NACC2: variants seen among roughly 807,000 people sequenced by gnomAD.
NACC2 encodes the protein nucleus accumbens-associated protein 2.
Under a neutral mutation model 25.1 loss-of-function variants are expected in NACC2, and 8 were observed. The ratio of observed to expected loss-of-function variants is 0.32; its 90% CI spans 0.19 to 0.57. The LOEUF (loss-of-function observed/expected upper bound fraction) is 0.57, where lower values mean the gene tolerates loss of function less well. Ranked by LOEUF, NACC2 falls within the 20% of genes least tolerant of loss-of-function variation. The pLI is 0.89. For synonymous variants in NACC2, 435 were observed against 294.7 expected (o/e 1.48, Z -4.88); for missense variants, 644 against 650.2 (o/e 0.99, Z 0.10).
intron 1 of NACC2, among the ~76,000 whole-genome samples, chr9:136,068,933 T>TTTTAA (rs71384047): frequency 6.6e-6 from 1 of 150,760 alleles, no homozygotes; most frequent in Non-Finnish European, 1.5e-5. Context: ...TTTTTTTTTT[T>TTTTAA]AAAGATGGAG....
chr9:136,030,351 T>G (rs574434801), intron 2 of NACC2, among the ~76,000 whole-genome samples: 1 of 152,206 alleles, frequency 6.6e-6, no homozygotes, highest in Admixed American at 6.5e-5. Flanking sequence ...GGCTCACGCC[T>G]GTAATCCCAG....
intron 1 of NACC2, among the ~76,000 whole-genome samples, chr9:136,067,619 C>CCT (rs1588578374): frequency 1.1e-5 from 1 of 94,928 alleles, no homozygotes; most frequent in Non-Finnish European, 2.8e-5. Context: ...GGGCAGATCA[C>CCT]GAGGTCAAGA....
At chr9:136,091,534 C>T (rs1830433584) in intron 1 of NACC2, among the ~76,000 whole-genome samples, 1 of 152,212 alleles carries the variant, frequency 6.6e-6, no homozygotes, top group Non-Finnish European at 1.5e-5. Context: ...CCTGTGTGGA[C>T]AGGGGTGAGT....
At chr9:136,037,857 T>C (rs528809606) in intron 2 of NACC2, among the ~76,000 whole-genome samples, 1 of 151,186 alleles carries the variant, frequency 6.6e-6, no homozygotes, top group East Asian at 1.9e-4. Flanking sequence ...GGTTATATGG[T>C]TAAAAAAAAA....
chr9:136,023,575 G>A (rs148685656), intron 2 of NACC2, among the ~76,000 whole-genome samples: 1,537 of 152,298 alleles, frequency 0.01, 33 homozygotes, highest in African/African-American at 0.035. Context: ...TGGTCCTGGA[G>A]ACTCAAGAAG....
chr9:136,033,418 C>T (rs1428355022), intron 2 of NACC2, among the ~76,000 whole-genome samples: 1 of 151,796 alleles, frequency 6.6e-6, no homozygotes, highest in African/African-American at 2.4e-5. Context: ...CTGATGTGGG[C>T]GGATCATCTG....
chr9:136,048,315 G>A lies in NACC2; in HGVS notation c.886+1321C>T, dbSNP rs976756481. Among the ~76,000 whole-genome samples the A allele has an allele frequency of 5.4e-3, 828 of 152,318 alleles. 6 individuals are homozygous for A. Among genetic ancestry groups the A allele is most frequent in the Non-Finnish European group, 8.6e-3 (582 of 68,002 alleles). On this transcript the variant is annotated intron_variant, in intron 2 of 5. Coordinates refer to ENST00000277554, the MANE Select transcript of NACC2 (RefSeq NM_144653.5). Reference sequence around the variant, plus strand: ...GCAGAGGGAAAGCGCACATGGGGCGGATTCCCCGGAGGCCTCAGCCAGCCG... The same window carrying A: ...GCAGAGGGAAAGCGCACATGGGGCGAATTCCCCGGAGGCCTCAGCCAGCCG...
At chr9:136,072,272 A>G (rs868815709) in intron 1 of NACC2, among the ~76,000 whole-genome samples, 1 of 152,032 alleles carries the variant, frequency 6.6e-6, no homozygotes, top group East Asian at 1.9e-4. Flanking sequence ...AAGGCAGGGC[A>G]TGGTGGCTCA....
intron 1 of NACC2, 63 bp from the exon 2 acceptor site, chr9:136,050,643 C>T (rs976814323): frequency 1.5e-6 from 1 of 667,150 alleles, no homozygotes. Context: ...CTCAAGGGGC[C>T]GTTCCCACCC....
At chr9:136,077,323 C>T (rs973435012) in intron 1 of NACC2, among the ~76,000 whole-genome samples, 2 of 152,158 alleles carry the variant, frequency 1.3e-5, no homozygotes, top group Non-Finnish European at 2.9e-5. Context: ...GAGCAAGACT[C>T]CGTCTCAAAA....
At chr9:136,035,934 T>C (rs1786128164) in intron 2 of NACC2, among the ~76,000 whole-genome samples, 1 of 152,204 alleles carries the variant, frequency 6.6e-6, no homozygotes, top group Non-Finnish European at 1.5e-5. Flanking sequence ...TTTGTTTTTT[T>C]ACAAACATAG....
Position 136,043,373 on chromosome 9 carries a change from C to G in NACC2, c.886+6263G>C, listed in dbSNP as rs1280591081. On this transcript the variant is annotated intron_variant, in intron 2 of 5. Coordinates refer to ENST00000277554, the MANE Select transcript of NACC2 (RefSeq NM_144653.5). ...AAACGTGCTCAGCGTTACTGACCAT[C>G]AGGGAAATGCAAATAGAAACTACAA... 2.0e-5 allele frequency among the ~76,000 whole-genome samples: 3 copies of G among 152,332 alleles called. 1 individual carries two copies. Among genetic ancestry groups the G allele is most frequent in the South Asian group, 4.1e-4 (2 of 4,832 alleles).
intron 1 of NACC2, among the ~76,000 whole-genome samples, chr9:136,060,662 C>T (rs148393527): frequency 7.2e-5 from 11 of 152,344 alleles, no homozygotes; most frequent in Admixed American, 2.0e-4. Context: ...TTAGCCCCGT[C>T]GGGTCTCAAA....
At chr9:136,062,180 G>GAGAGA (rs1841023020) in intron 1 of NACC2, among the ~76,000 whole-genome samples, 1 of 150,466 alleles carries the variant, frequency 6.6e-6, no homozygotes, top group Admixed American at 6.7e-5. Flanking sequence ...GACAGGAAAG[G>GAGAGA]AAAGAGAGAG....
Position 136,059,366 on chromosome 9 carries a change from G to C in NACC2, c.-59-8786C>G, listed in dbSNP as rs977296300. Reference sequence around the variant, plus strand: ...CGGAGCAGGGCCCTATGACATGCCAGCTCAGCACCTCCAGAGAGAAGCCAG... The same window carrying C: ...CGGAGCAGGGCCCTATGACATGCCACCTCAGCACCTCCAGAGAGAAGCCAG... On this transcript the variant is annotated intron_variant, in intron 1 of 5. Transcript: ENST00000277554. Among the ~76,000 whole-genome samples the C allele has an allele frequency of 6.6e-5, 10 of 152,344 alleles. No homozygotes were observed. In the East Asian group the frequency reaches 1.7e-3, roughly 26 times the overall value.
chr9:136,040,000 A>G (rs1266749979), intron 2 of NACC2, among the ~76,000 whole-genome samples: 1 of 152,210 alleles, frequency 6.6e-6, no homozygotes, highest in Non-Finnish European at 1.5e-5. Context: ...TATTAGAACT[A>G]ATCACTAAAG....
At chr9:136,073,442 TAATAAAA>T (rs1830221598) in intron 1 of NACC2, among the ~76,000 whole-genome samples, 1 of 150,374 alleles carries the variant, frequency 6.7e-6, no homozygotes, top group South Asian at 2.1e-4. Flanking sequence ...AAAAAATTTT[TAATAAAA>T]AATAAAAAAT....
chr9:136,014,871 G>C (rs1279590544), intron 3 of NACC2, among the ~76,000 whole-genome samples: 1 of 152,198 alleles, frequency 6.6e-6, no homozygotes, highest in Non-Finnish European at 1.5e-5. Flanking sequence ...TGTCCCACCA[G>C]GGTCTGGGTG....
chr9:136,046,781 G>C (rs1170034361), intron 2 of NACC2, among the ~76,000 whole-genome samples: 5 of 152,340 alleles, frequency 3.3e-5, no homozygotes, highest in Middle Eastern at 3.4e-3. Flanking sequence ...GGAGGGAGGA[G>C]AGGCACGAGA....
Sources: gnomAD v4.1 joint callset for allele counts (sites outside exome capture counted in the v4.1 genomes callset) on GRCh38, gnomAD v4.1.1 for gene constraint, MANE v1.5 for transcripts, NCBI Gene and HGNC (gene_info 2026-07-23, HGNC 2026-07-21) for gene names.